The following CLCN3 variants were observed in gnomAD, a reference collection of about 807,000 sequenced individuals.
CLCN3 encodes Cl-/H+ antiporter 3.
In CLCN3, 16 loss-of-function variants were observed where a neutral mutation model predicts 83.4. The ratio of observed to expected loss-of-function variants is 0.19; its 90% CI spans 0.13 to 0.29. The LOEUF (loss-of-function observed/expected upper bound fraction) is 0.29. Ranked by LOEUF, CLCN3 falls within the 10% of genes least tolerant of loss-of-function variation. CLCN3 has a pLI of 1.00. For missense variants in CLCN3, 544 were observed against 1,006.0 expected, an observed-to-expected ratio of 0.54 and a Z score of 6.21; for synonymous variants, 322 against 346.2, an observed-to-expected ratio of 0.93 and a Z score of 0.78.
chr4:169,692,419 T>C (rs1205220839), intron 7 of CLCN3, 99 bp downstream of exon 7: 6 of 525,150 alleles, frequency 1.1e-5, no homozygotes, highest in Non-Finnish European at 1.8e-5. Context: ...AATTCTGTAT[T>C]CAGATAAAAA....
intron 3 of CLCN3, among the ~76,000 whole-genome samples, chr4:169,684,745 A>G (rs1363844162): frequency 6.6e-6 from 1 of 152,162 alleles, no homozygotes; most frequent in Non-Finnish European, 1.5e-5. Flanking sequence ...ATTCATAACT[A>G]TGGGACTAAA....
chr4:169,707,821 G>T (rs1245723423), intron 11 of CLCN3, among the ~76,000 whole-genome samples: 1 of 152,122 alleles, frequency 6.6e-6, no homozygotes. Context: ...TAACGTATCA[G>T]TCCTGTTGTG....
Position 169,719,920 on chromosome 4 carries a change from A to G in CLCN3, c.2380A>G (p.Ile794Val), listed in dbSNP as rs1733569037. ...TATTCCTTTCAGGCGCCTCCTTGGC[A>G]TTATAACAAAAAAAGATATCCTCCG... ...LVTHNGRLLG[I>V]ITKKDILRHM... Residue 794 changes from isoleucine (I) to valine (V), a missense_variant, in exon 13 of 13, where the codon ATT (isoleucine) becomes GTT (valine). Physicochemically the swap from Ile to Val is conservative, Grantham distance 29. Transcript: ENST00000513761. 1 of 1,611,594 alleles carries G rather than the reference A, an allele frequency of 6.2e-7. No homozygotes were observed. The highest frequency in any genetic ancestry group is 8.5e-7 in the Non-Finnish European group (1 of 1,179,458).
At position 169,720,526 on chromosome 4, in the gene CLCN3, TTC is replaced by T. The variant is rs33952411; in HGVS notation, c.*561_*562del. On this transcript the variant is annotated 3_prime_UTR_variant, in exon 13 of 13. Transcript: ENST00000513761. Reference sequence around the variant, plus strand: ...TTCTACATTCCAGAAGAGCCTTTATTTCTCTCTCTCTCTCTCTCTCTCTCTCT... The same window carrying T: ...TTCTACATTCCAGAAGAGCCTTTATTTCTCTCTCTCTCTCTCTCTCTCTCT... 17,100 of 146,756 alleles carry T rather than the reference TTC, an allele frequency of 0.12. 2,011 individuals are homozygous for T. The highest frequency in any genetic ancestry group is 0.31 in the African/African-American group (12,445 of 39,858). The allele number at this position is 146,756 out of a possible 1,614,324, so 9.1% of individuals were successfully genotyped here. A position where few individuals can be genotyped will look rare whatever the true frequency, so the allele number is the denominator to read the frequency against.
intron 2 of CLCN3, among the ~76,000 whole-genome samples, chr4:169,644,953 A>G (rs796192508): frequency 3.3e-5 from 5 of 152,304 alleles, no homozygotes; most frequent in African/African-American, 1.2e-4. Context: ...AAAGGCGAGG[A>G]AACAGATTCT....
At chr4:169,686,950 C>T (rs1732184501) in intron 3 of CLCN3, among the ~76,000 whole-genome samples, 1 of 152,194 alleles carries the variant, frequency 6.6e-6, no homozygotes, top group South Asian at 2.1e-4. Context: ...CCTCTGGACT[C>T]TACCAATGGG....
chr4:169,659,405 A>C (rs900206546), intron 2 of CLCN3, among the ~76,000 whole-genome samples: 2 of 152,210 alleles, frequency 1.3e-5, no homozygotes, highest in Admixed American at 6.5e-5. Context: ...TGAGTACCTC[A>C]CTTTGAGACA....
chr4:169,664,225 A>G (rs1327935003), intron 2 of CLCN3, among the ~76,000 whole-genome samples: 2 of 152,174 alleles, frequency 1.3e-5, no homozygotes, highest in Non-Finnish European at 2.9e-5. Flanking sequence ...TTAAACCACA[A>G]AAAGTGTCGC....
chr4:169,688,383 T>G (rs1732241283), intron 4 of CLCN3, among the ~76,000 whole-genome samples: 1 of 152,236 alleles, frequency 6.6e-6, no homozygotes, highest in South Asian at 2.1e-4. Context: ...TATTAAGCAC[T>G]GTTATAATCA....
At chr4:169,653,732 C>T (rs1380545213) in intron 2 of CLCN3, among the ~76,000 whole-genome samples, 1 of 151,610 alleles carries the variant, frequency 6.6e-6, no homozygotes, top group Non-Finnish European at 1.5e-5. Flanking sequence ...TGGTGAGGGC[C>T]TCAGGAAGCT....
chr4:169,716,845 A>C (rs1289931492), intron 12 of CLCN3, among the ~76,000 whole-genome samples: 2 of 152,208 alleles, frequency 1.3e-5, no homozygotes, highest in Non-Finnish European at 2.9e-5. Flanking sequence ...CTGAATGTTC[A>C]AAGGCAGTTT....
chr4:169,676,427 TC>T (rs1163902795), intron 2 of CLCN3, among the ~76,000 whole-genome samples: 7 of 152,162 alleles, frequency 4.6e-5, no homozygotes, highest in East Asian at 1.9e-4. Flanking sequence ...TCTCTTTACT[TC>T]CACTCTCAGG....
intron 9 of CLCN3, among the ~76,000 whole-genome samples, chr4:169,699,655 G>A (rs750468133): frequency 6.6e-6 from 1 of 152,048 alleles, no homozygotes; most frequent in Admixed American, 6.6e-5. Flanking sequence ...AGGCCGAGGC[G>A]GGCAGATCAC....
At chr4:169,652,930 A>T (rs1380976563) in intron 2 of CLCN3, among the ~76,000 whole-genome samples, 1 of 152,120 alleles carries the variant, frequency 6.6e-6, no homozygotes, top group Non-Finnish European at 1.5e-5. Flanking sequence ...TCATTTTTCT[A>T]TTGGAGTGTC....
At chr4:169,650,306 A>G (rs1306287299) in intron 2 of CLCN3, among the ~76,000 whole-genome samples, 1 of 152,220 alleles carries the variant, frequency 6.6e-6, no homozygotes, top group African/African-American at 2.4e-5. Context: ...TTCCAACAGT[A>G]TAAAGTTGTG....
intron 2 of CLCN3, among the ~76,000 whole-genome samples, chr4:169,662,310 T>G (rs1731084062): frequency 6.6e-6 from 1 of 152,174 alleles, no homozygotes; most frequent in Non-Finnish European, 1.5e-5. Context: ...TCATTGTTAT[T>G]TGAAAGTAAC....
chr4:169,716,039 T>A (rs1173064395), intron 12 of CLCN3, among the ~76,000 whole-genome samples: 2 of 152,166 alleles, frequency 1.3e-5, no homozygotes, highest in Non-Finnish European at 2.9e-5. Context: ...TGGGAACTGG[T>A]GTTTCTTGGA....
chr4:169,671,678 T>C (rs1165040460), intron 2 of CLCN3, among the ~76,000 whole-genome samples: 1 of 152,168 alleles, frequency 6.6e-6, no homozygotes, highest in African/African-American at 2.4e-5. Context: ...TACTGTAATA[T>C]CGAATCGTGT....
At chr4:169,675,430 C>T (rs1262413887) in intron 2 of CLCN3, among the ~76,000 whole-genome samples, 1 of 152,100 alleles carries the variant, frequency 6.6e-6, no homozygotes, top group East Asian at 1.9e-4. Context: ...AGAAAGATGG[C>T]AAGAGTAGTC....
Sources: allele counts gnomAD v4.1 joint callset (sites outside exome capture counted in the v4.1 genomes callset), GRCh38; gene constraint gnomAD v4.1.1; transcripts MANE v1.5; gene names NCBI Gene and HGNC (gene_info 2026-07-23, HGNC 2026-07-21).